Variants in CFAP54 observed in about 807,000 individuals in gnomAD.
CFAP54 encodes the protein cilia- and flagella-associated protein 54.
Under a neutral mutation model 370.4 loss-of-function variants are expected in CFAP54, and 290 were observed. That is an observed-to-expected ratio of 0.78 (90% CI 0.71 to 0.86). The LOEUF is 0.86. Ranked by LOEUF, CFAP54 falls within the 40% of genes least tolerant of loss-of-function variation. The pLI, the probability that CFAP54 is intolerant of heterozygous loss-of-function variation, is 0.00. For missense variants in CFAP54, 3,399 were observed against 3,528.7 expected, an observed-to-expected ratio of 0.96 and a Z score of 0.93; for synonymous variants, 1,206 against 1,236.5, an observed-to-expected ratio of 0.98 and a Z score of 0.52.
intron 38 of CFAP54, among the ~76,000 whole-genome samples, chr12:96,658,937 C>T (rs1201054849): frequency 6.6e-6 from 1 of 152,206 alleles, no homozygotes; most frequent in Non-Finnish European, 1.5e-5. Context: ...ACTGTGCCCT[C>T]ACAACATGAT....
At chr12:96,493,237 C>T (rs1177081920) in intron 1 of CFAP54, among the ~76,000 whole-genome samples, 1 of 152,172 alleles carries the variant, frequency 6.6e-6, no homozygotes, top group Non-Finnish European at 1.5e-5. Flanking sequence ...GTACTTGACA[C>T]TGGTTACACA....
At position 96,657,969 on chromosome 12, in the gene CFAP54, C is replaced by T. The variant is rs1003754187; in HGVS notation, c.5188C>T (p.His1730Tyr). Residue 1730 changes from histidine to tyrosine, a missense_variant, in exon 37 of 68, where the codon CAT (histidine) becomes TAT (tyrosine). Transcript: ENST00000524981. ...DNGGSSLTFE[H>Y]PLDDVNVVDL... ...CGGTGGTTCTAGTCTTACCTTTGAG[C>T]ATCCTTTGGATGATGTAAATGTGGT... The T allele has an allele frequency of 1.9e-6, 3 of 1,613,574 alleles. No homozygotes were observed. Among genetic ancestry groups the T allele is most frequent in the Non-Finnish European group, 2.5e-6 (3 of 1,179,696 alleles).
At chr12:96,869,901 C>T (rs1428808089) in intron 67 of CFAP54, among the ~76,000 whole-genome samples, 2 of 141,008 alleles carry the variant, frequency 1.4e-5, no homozygotes, top group African/African-American at 2.7e-5. Flanking sequence ...GGCCATTGTA[C>T]TCCAGCCTGG....
At chr12:96,492,058 C>T (rs1954890660) in intron 1 of CFAP54, among the ~76,000 whole-genome samples, 1 of 152,178 alleles carries the variant, frequency 6.6e-6, no homozygotes, top group African/African-American at 2.4e-5. Context: ...CCTTGCCCGG[C>T]TTATACATTT....
chr12:96,514,309 G>T (rs1955206824), intron 5 of CFAP54, among the ~76,000 whole-genome samples: 1 of 152,182 alleles, frequency 6.6e-6, no homozygotes, highest in Admixed American at 6.5e-5. Flanking sequence ...AAAGAAATTT[G>T]CATGCTCAAT....
chr12:96,726,104 C>A (rs1373692000), intron 50 of CFAP54, among the ~76,000 whole-genome samples: 1,919 of 129,774 alleles, frequency 0.015, no homozygotes, highest in African/African-American at 0.02. Context: ...ATTTTTGCAT[C>A]AATGTTCATC....
At chr12:96,833,806 G>T (rs1307579436) in intron 66 of CFAP54, among the ~76,000 whole-genome samples, 1 of 152,024 alleles carries the variant, frequency 6.6e-6, no homozygotes, top group Non-Finnish European at 1.5e-5. Context: ...ACTGCTAGTA[G>T]TAATATTAAT....
chr12:96,867,104 A>G, intron 67 of CFAP54, among the ~76,000 whole-genome samples: 1 of 152,160 alleles, frequency 6.6e-6, no homozygotes, highest in Non-Finnish European at 1.5e-5. Flanking sequence ...CATAGGAGGG[A>G]AAAAAATTAA....
At chr12:96,522,438 C>T (rs926882258) in intron 8 of CFAP54, among the ~76,000 whole-genome samples, 5 of 152,194 alleles carry the variant, frequency 3.3e-5, no homozygotes, top group Admixed American at 2.0e-4. Flanking sequence ...GAAGAGGAGC[C>T]TGTGAAAGAT....
intron 22 of CFAP54, among the ~76,000 whole-genome samples, chr12:96,584,757 G>A (rs74837284): frequency 0.019 from 2,967 of 152,170 alleles, 99 homozygotes; most frequent in African/African-American, 0.069. Context: ...TTGGGGTAAT[G>A]CAGCTAGGCC....
chr12:96,746,640 G>A (rs1252174286), intron 55 of CFAP54, among the ~76,000 whole-genome samples: 1 of 152,020 alleles, frequency 6.6e-6, no homozygotes, highest in Non-Finnish European at 1.5e-5. Context: ...ATCTCTATTT[G>A]TTCTGGCTTA....
chr12:96,495,072 T>G (rs1233588219), intron 1 of CFAP54, among the ~76,000 whole-genome samples: 1 of 152,180 alleles, frequency 6.6e-6, no homozygotes, highest in African/African-American at 2.4e-5. Context: ...CTTATAACTA[T>G]GGAAACTTCC....
intron 66 of CFAP54, among the ~76,000 whole-genome samples, chr12:96,844,345 A>C (rs1959275685): frequency 6.6e-6 from 1 of 152,118 alleles, no homozygotes; most frequent in Admixed American, 6.5e-5. Flanking sequence ...CAGAGACAGG[A>C]GTGATGAGCC....
chr12:96,507,927 T>C (rs1413247839), intron 4 of CFAP54, among the ~76,000 whole-genome samples: 1 of 152,176 alleles, frequency 6.6e-6, no homozygotes, highest in Non-Finnish European at 1.5e-5. Flanking sequence ...TAAGCTTTTG[T>C]GTCTGATCAT....
intron 39 of CFAP54, among the ~76,000 whole-genome samples, chr12:96,667,200 T>C (rs1957090455): frequency 6.6e-6 from 1 of 152,182 alleles, no homozygotes; most frequent in African/African-American, 2.4e-5. Context: ...TCTGTGGCTT[T>C]TCTGTGCACA....
Position 96,585,107 on chromosome 12 carries a change from G to A in CFAP54, c.3075+4002G>A, listed in dbSNP as rs142860341. ...CTGGAATGCCGCTGATCTCATTTTC[G>A]ATGTTTGACAACTGACTTGTGACTT... On this transcript the variant is annotated intron_variant, in intron 22 of 67. Transcript: ENST00000524981. 6.0e-5 allele frequency among the ~76,000 whole-genome samples: 9 copies of A among 150,338 alleles called. No individual in the cohort carries two copies. The East Asian group carries it at 1.6e-3, about 26-fold the overall frequency.
chr12:96,726,971 T>C (rs1957848863), intron 50 of CFAP54, among the ~76,000 whole-genome samples: 1 of 152,222 alleles, frequency 6.6e-6, no homozygotes, highest in Admixed American at 6.5e-5. Flanking sequence ...TCAGTTTCCA[T>C]GTAGTTGAGC....
intron 66 of CFAP54, among the ~76,000 whole-genome samples, chr12:96,830,804 G>A (rs542767426): frequency 9.2e-5 from 14 of 152,066 alleles, no homozygotes; most frequent in Admixed American, 2.6e-4. Flanking sequence ...TCAGCCTCTC[G>A]AGCAGCTGGG....
At chr12:96,522,481 C>T (rs1329623458) in intron 8 of CFAP54, among the ~76,000 whole-genome samples, 1 of 152,184 alleles carries the variant, frequency 6.6e-6, no homozygotes, top group Non-Finnish European at 1.5e-5. Flanking sequence ...ATGAATAGGC[C>T]TCTGAGTGGT....
Sources: gnomAD v4.1 joint callset for allele counts (sites outside exome capture counted in the v4.1 genomes callset) on GRCh38, gnomAD v4.1.1 for gene constraint, MANE v1.5 for transcripts, NCBI Gene and HGNC (gene_info 2026-07-23, HGNC 2026-07-21) for gene names.